Variants in SPATS2L observed in about 807,000 individuals in gnomAD.
The protein encoded by SPATS2L is spermatogenesis associated serine rich 2 like.
A neutral mutation model predicts 59.6 loss-of-function variants in SPATS2L; 30 were observed. That is an observed-to-expected ratio of 0.50 (90% CI 0.38 to 0.68). SPATS2L has a LOEUF of 0.68. SPATS2L is among the 30% of genes least tolerant of loss of function. The pLI, the probability that SPATS2L is intolerant of heterozygous loss-of-function variation, is 0.00. For missense variants in SPATS2L, 615 were observed against 700.0 expected (o/e 0.88, Z 1.37); for synonymous variants, 252 against 263.5 (o/e 0.96, Z 0.42).
intron 9 of SPATS2L, among the ~76,000 whole-genome samples, chr2:200,464,511 G>C (rs551772605): frequency 6.6e-6 from 1 of 152,216 alleles, no homozygotes; most frequent in East Asian, 1.9e-4. Flanking sequence ...AAGAACAATG[G>C]CCCTTAATTG....
chr2:200,401,262 C>G (rs1241343237), intron 3 of SPATS2L, among the ~76,000 whole-genome samples: 1 of 152,162 alleles, frequency 6.6e-6, no homozygotes, highest in Non-Finnish European at 1.5e-5. Context: ...CCATCCATCT[C>G]CATGAGAGAC....
chr2:200,322,717 C>T (rs2079605368), intron 1 of SPATS2L, among the ~76,000 whole-genome samples: 1 of 152,198 alleles, frequency 6.6e-6, no homozygotes, highest in African/African-American at 2.4e-5. Context: ...CAGTACCTAA[C>T]ACACAGTTTC....
intron 2 of SPATS2L, among the ~76,000 whole-genome samples, chr2:200,346,615 C>T (rs567194545): frequency 6.6e-6 from 1 of 152,082 alleles, no homozygotes; most frequent in Non-Finnish European, 1.5e-5. Flanking sequence ...TTTTGGCATT[C>T]TTTATATCCT....
chr2:200,417,254 G>A (rs1304968543), intron 5 of SPATS2L, among the ~76,000 whole-genome samples: 1 of 152,064 alleles, frequency 6.6e-6, no homozygotes, highest in Non-Finnish European at 1.5e-5. Flanking sequence ...CAATAACACA[G>A]TATTACTTTC....
chr2:200,346,655 G>GA lies in SPATS2L; in HGVS notation c.-23+17182dup, dbSNP rs546607727. Among the ~76,000 whole-genome samples, 132 of 152,032 alleles carry GA rather than the reference G, an allele frequency of 8.7e-4. 3 individuals carry two copies. The South Asian group carries it at 0.026, about 30-fold the overall frequency. Reference sequence around the variant, plus strand: ...TGTATGATGTGTCTTCGTGACTACTGAAAAAAATTCTTAAAAGCAGCTACT... The same window carrying GA: ...TGTATGATGTGTCTTCGTGACTACTGAAAAAAAATTCTTAAAAGCAGCTACT... On this transcript the variant is annotated intron_variant, in intron 2 of 12. Transcript: ENST00000409140.
chr2:200,456,121 T>C (rs1403029847), intron 8 of SPATS2L, among the ~76,000 whole-genome samples: 1 of 152,148 alleles, frequency 6.6e-6, no homozygotes, highest in Non-Finnish European at 1.5e-5. Flanking sequence ...CAAGGAACTC[T>C]CAGGTCTACA....
At chr2:200,323,429 C>T (rs947834139) in intron 1 of SPATS2L, among the ~76,000 whole-genome samples, 3 of 152,174 alleles carry the variant, frequency 2.0e-5, no homozygotes, top group Admixed American at 6.5e-5. Context: ...TAAATATTCT[C>T]ATGAGCCAAT....
intron 6 of SPATS2L, among the ~76,000 whole-genome samples, chr2:200,426,781 T>C (rs952681861): frequency 1.3e-5 from 2 of 152,250 alleles, no homozygotes; most frequent in African/African-American, 2.4e-5. Flanking sequence ...TTCTCATTCA[T>C]CTTTAATTTA....
rs1008416305 is a variant in SPATS2L at position 200,478,196 on chromosome 2, T to G, written c.*165T>G. ...ATTCTAATAATCAGCTCTAGCTTGC[T>G]TCATAATTTTCATGGCTTTGCTTGA... On this transcript the variant is annotated 3_prime_UTR_variant, in exon 13 of 13. Coordinates refer to ENST00000409140, the MANE Select transcript of SPATS2L (RefSeq NM_001100423.2). The G allele has an allele frequency of 4.3e-5, 26 of 608,888 alleles. No homozygotes were observed. The highest frequency in any genetic ancestry group is 4.2e-4 in the African/African-American group (22 of 52,210). The allele number at this position is 608,888 out of a possible 1,614,324, so 37.7% of individuals were successfully genotyped here.
At chr2:200,407,250 T>G (rs563243351) in intron 3 of SPATS2L, among the ~76,000 whole-genome samples, 8 of 152,318 alleles carry the variant, frequency 5.3e-5, no homozygotes, top group African/African-American at 1.9e-4. Context: ...TTTCAAAAAT[T>G]TAAGTGGTTC....
intron 9 of SPATS2L, among the ~76,000 whole-genome samples, chr2:200,463,082 G>A (rs1022886955): frequency 2.0e-5 from 3 of 151,986 alleles, no homozygotes; most frequent in Non-Finnish European, 4.4e-5. Context: ...ACCCCAACCC[G>A]CTCATATTAC....
At chr2:200,421,270 C>A (rs551997968) in intron 6 of SPATS2L, among the ~76,000 whole-genome samples, 1 of 152,076 alleles carries the variant, frequency 6.6e-6, no homozygotes, top group East Asian at 1.9e-4. Flanking sequence ...ATTGAAGGAC[C>A]AATAGAACTG....
At chr2:200,342,293 G>T (rs1337786146) in intron 2 of SPATS2L, among the ~76,000 whole-genome samples, 3 of 152,326 alleles carry the variant, frequency 2.0e-5, no homozygotes, top group East Asian at 3.9e-4. Flanking sequence ...ATTTAGAAAG[G>T]CTGCAGACTA....
chr2:200,325,162 A>G (rs1336846995), intron 1 of SPATS2L, among the ~76,000 whole-genome samples: 1 of 152,220 alleles, frequency 6.6e-6, no homozygotes, highest in East Asian at 1.9e-4. Flanking sequence ...CCTCATTTAA[A>G]CAATTCCATA....
At chr2:200,466,307 CTT>C (rs201017281) in intron 9 of SPATS2L, among the ~76,000 whole-genome samples, 1,550 of 152,212 alleles carry the variant, frequency 0.01, 58 homozygotes, top group Admixed American at 0.076. Flanking sequence ...TACCTTTTTT[CTT>C]ACACCTCAAA....
chr2:200,390,049 G>A (rs2082123441), intron 3 of SPATS2L: 1 of 152,262 alleles, frequency 6.6e-6, no homozygotes, highest in Non-Finnish European at 1.5e-5. Flanking sequence ...AAGTGGGAGA[G>A]CCTGGACAGG....
intron 8 of SPATS2L, among the ~76,000 whole-genome samples, chr2:200,450,143 A>G (rs928792547): frequency 6.6e-6 from 1 of 152,230 alleles, no homozygotes; most frequent in African/African-American, 2.4e-5. Flanking sequence ...CTTCTCAGCT[A>G]CAAAGCAGGA....
chr2:200,468,526 C>G (rs537018137), intron 10 of SPATS2L, among the ~76,000 whole-genome samples: 1 of 152,316 alleles, frequency 6.6e-6, no homozygotes, highest in Admixed American at 6.5e-5. Context: ...CTCCCTCCCT[C>G]CTGGTTGGGC....
intron 2 of SPATS2L, among the ~76,000 whole-genome samples, chr2:200,331,410 T>C (rs1306350223): frequency 6.6e-6 from 1 of 152,226 alleles, no homozygotes; most frequent in African/African-American, 2.4e-5. Flanking sequence ...AAATTTCTCA[T>C]GGATCAAAAT....
Sources: allele counts gnomAD v4.1 joint callset (sites outside exome capture counted in the v4.1 genomes callset), GRCh38; gene constraint gnomAD v4.1.1; transcripts MANE v1.5; gene names NCBI Gene and HGNC (gene_info 2026-07-23, HGNC 2026-07-21).